Variants in PNLDC1 observed in about 807,000 individuals in gnomAD.
PNLDC1 encodes PARN like ribonuclease domain containing exonuclease 1.
A neutral mutation model predicts 82.0 loss-of-function variants in PNLDC1; 70 were observed. The ratio of observed to expected loss-of-function variants is 0.85; its 90% CI spans 0.70 to 1.04. The LOEUF (loss-of-function observed/expected upper bound fraction) is 1.04, where lower values mean the gene tolerates loss of function less well. Among genes scored for constraint, PNLDC1 ranks in the 50% least tolerant of loss-of-function variants. The probability of loss-of-function intolerance (pLI) is 0.00; values close to 1 mark genes in which losing one functional copy is unlikely to be tolerated. For synonymous variants in PNLDC1, 280 were observed against 249.3 expected, an observed-to-expected ratio of 1.12 and a Z score of -1.16; for missense variants, 631 against 661.1, an observed-to-expected ratio of 0.95 and a Z score of 0.50.
At chr6:159,800,248 C>G, upstream of PNLDC1, 1 of 783,076 alleles carries the variant, frequency 1.3e-6, no homozygotes, top group Non-Finnish European at 1.6e-6. Context: ...GACGGAAGCG[C>G]GTGGGCAGCA....
chr6:159,810,234 G>T (rs904685994), intron 10 of PNLDC1, 139 bp downstream of exon 10: 1 of 722,436 alleles, frequency 1.4e-6, no homozygotes, highest in African/African-American at 1.8e-5. Flanking sequence ...GAGAGTTTGG[G>T]CAGAGGCCTG....
intron 3 of PNLDC1, among the ~76,000 whole-genome samples, chr6:159,802,506 GTTTGTTTTTAATTATAAGACCTC>G (rs1781298084): frequency 1.3e-5 from 2 of 149,532 alleles, no homozygotes; most frequent in Admixed American, 6.6e-5. Flanking sequence ...TTGTTCGTTT[GTTTGTTTTTAATTATAAGACCTC>G]TTTGAGAAGT....
chr6:159,814,149 C>G (rs1016203056), intron 12 of PNLDC1, among the ~76,000 whole-genome samples: 1 of 152,164 alleles, frequency 6.6e-6, no homozygotes, highest in Non-Finnish European at 1.5e-5. Flanking sequence ...GCTCCTCTTT[C>G]CTCAGCCCAC....
At chr6:159,818,782 T>A in intron 16 of PNLDC1, 128 bp downstream of exon 16, 1 of 1,210,986 alleles carries the variant, frequency 8.3e-7, no homozygotes, top group Non-Finnish European at 1.2e-6. Context: ...TGGGTTTTTC[T>A]TTCCTCTCAT....
chr6:159,818,964 T>C lies in PNLDC1; in HGVS notation c.1276T>C (p.Tyr426His). Residue 426 changes from tyrosine (Y) to histidine (H), a missense_variant, in exon 17 of 19, where the codon TAT (tyrosine) becomes CAT (histidine). Coordinates refer to ENST00000392167, the MANE Select transcript of PNLDC1 (RefSeq NM_001271862.2). ...TTTCTAGAATTTTTCTGGTCCAGAT[T>C]ATCCCAGTATCCGACCTCCCATCCT... ...VPKINFSGPD[Y>H]PSIRPPILIL... 1 of 1,613,966 alleles carries C rather than the reference T, an allele frequency of 6.2e-7. No homozygotes were observed. Among genetic ancestry groups the C allele is most frequent in the Non-Finnish European group, 8.5e-7 (1 of 1,179,978 alleles).
Position 159,810,104 on chromosome 6 carries a change from A to G in PNLDC1, c.853+9A>G. On this transcript the variant is annotated intron_variant, in intron 10 of 18. Coordinates refer to ENST00000392167, the MANE Select transcript of PNLDC1 (RefSeq NM_001271862.2). Reference sequence around the variant, plus strand: ...CTTCAGACCCCTCCCAGGTAGGGGCAAACCTGTCATTTCTCTTCCTTCACG... The same window carrying G: ...CTTCAGACCCCTCCCAGGTAGGGGCGAACCTGTCATTTCTCTTCCTTCACG... 6.2e-7 allele frequency: 1 copy of G among 1,610,672 alleles called. No homozygotes were observed. Among genetic ancestry groups the G allele is most frequent in the Non-Finnish European group, 8.5e-7 (1 of 1,176,852 alleles).
chr6:159,808,006 C>T (rs745458672), intron 7 of PNLDC1, among the ~76,000 whole-genome samples: 35 of 152,094 alleles, frequency 2.3e-4, no homozygotes, highest in Non-Finnish European at 4.3e-4. Flanking sequence ...CTCCGCCTCC[C>T]GGGTTCAAGG....
chr6:159,818,895 A>G (rs1228991140), intron 16 of PNLDC1, 51 bp from the exon 17 acceptor site: 1 of 1,582,410 alleles, frequency 6.3e-7, no homozygotes, highest in East Asian at 2.2e-5. Flanking sequence ...AGACTGGATA[A>G]GAAGTCAGGA....
chr6:159,804,018 T>G lies in PNLDC1; in HGVS notation c.302T>G (p.Leu101Trp). 1.2e-6 allele frequency: 2 copies of G among 1,613,894 alleles called. No homozygotes were observed. The highest frequency in any genetic ancestry group is 1.7e-6 in the Non-Finnish European group (2 of 1,179,718). Residue 101 changes from leucine (L) to tryptophan (W), a missense_variant, in exon 5 of 19, where the codon TTG becomes TGG. Coordinates refer to ENST00000392167, the MANE Select transcript of PNLDC1 (RefSeq NM_001271862.2). ...FYLFPTTFGI[L>W]DSEFSFQASS... ...CTCTTCCCTACAACGTTTGGGATTTTGGACTCAGAATTCTCCTTCCAGGCT... is the reference window on the plus strand; with the variant it reads ...CTCTTCCCTACAACGTTTGGGATTTGGGACTCAGAATTCTCCTTCCAGGCT...
chr6:159,820,523 G>GCCCT lies in PNLDC1; in HGVS notation c.*7_*8insCCTC, dbSNP rs1310992881. On this transcript the variant is annotated 3_prime_UTR_variant, in exon 19 of 19. Transcript: ENST00000392167. ...TTGGAAGATCTGGTACCTGAGTGCA[G>GCCCT]CGAGGCCTCCTGCGGCCACCCTCGG... 1 of 1,613,960 alleles carries GCCCT rather than the reference G, an allele frequency of 6.2e-7. No individual in the cohort carries two copies. Among genetic ancestry groups the GCCCT allele is most frequent in the Non-Finnish European group, 8.5e-7 (1 of 1,180,022 alleles).
chr6:159,802,951 G>A (rs888992872), intron 3 of PNLDC1, among the ~76,000 whole-genome samples: 11 of 151,902 alleles, frequency 7.2e-5, no homozygotes, highest in Admixed American at 2.6e-4. Flanking sequence ...CATTTTAAAT[G>A]AGTTAAATAT....
At chr6:159,807,603 A>C (rs1442268633) in intron 7 of PNLDC1, among the ~76,000 whole-genome samples, 1 of 152,218 alleles carries the variant, frequency 6.6e-6, no homozygotes, top group Non-Finnish European at 1.5e-5. Flanking sequence ...AAATGTGCAA[A>C]CATTTGGGAG....
intron 13 of PNLDC1, 87 bp downstream of exon 13, chr6:159,816,120 A>ACACCCCCCCCCCCCCACCCGCCC (rs1781808316): frequency 1.4e-6 from 1 of 706,698 alleles, no homozygotes; most frequent in Non-Finnish European, 1.8e-6. Context: ...TGGTTCCCCC[A>ACACCCCCCCCCCCCCACCCGCCC]CACCCCTCCC....
intron 1 of PNLDC1, 21 bp from the exon 2 acceptor site, chr6:159,800,751 T>G (rs1781216342): frequency 6.2e-7 from 1 of 1,614,116 alleles, no homozygotes; most frequent in African/African-American, 1.3e-5. Context: ...CGAGGACTGC[T>G]ATTTTTTGCC....
intron 12 of PNLDC1, 49 bp downstream of exon 12, chr6:159,813,705 T>G: frequency 6.5e-7 from 1 of 1,541,050 alleles, no homozygotes. Context: ...CTTGGTGGCC[T>G]CCCTGTGCTC....
chr6:159,800,533 G>T, intron 1 of PNLDC1, 150 bp downstream of exon 1: 2 of 1,307,838 alleles, frequency 1.5e-6, no homozygotes, highest in East Asian at 2.5e-5. Flanking sequence ...GCCCCGGGGC[G>T]GTGGGACTTT....
intron 11 of PNLDC1, 73 bp downstream of exon 11, chr6:159,811,859 G>GT (rs373433369): frequency 6.9e-6 from 8 of 1,167,220 alleles, no homozygotes; most frequent in Non-Finnish European, 9.9e-6. Flanking sequence ...CTCTTGTGGG[G>GT]TTTTTTTCTT....
At chr6:159,816,956 C>T (rs1187286278) in intron 14 of PNLDC1, among the ~76,000 whole-genome samples, 153 bp from the exon 15 acceptor site, 1 of 152,256 alleles carries the variant, frequency 6.6e-6, no homozygotes, top group Non-Finnish European at 1.5e-5. Flanking sequence ...TGAGCCACCA[C>T]ACCCAGCTGG....
chr6:159,808,629 C>G lies in PNLDC1; in HGVS notation c.563-111C>G, dbSNP rs11966688. 4,661 of 1,011,766 alleles carry G rather than the reference C, an allele frequency of 4.6e-3. 138 individuals carry two copies. In the African/African-American group the frequency reaches 0.063, roughly 14 times the overall value. The allele number at this position is 1,011,766 out of a possible 1,614,324, so 62.7% of individuals were successfully genotyped here. On this transcript the variant is annotated intron_variant, in intron 7 of 18. Transcript: ENST00000392167. ...CATGGGCTTGGGCACCCTTCAAGCT[C>G]CCTTTCCACTTGACCTTTCCATCTC...
Sources: gnomAD v4.1 joint callset for allele counts (sites outside exome capture counted in the v4.1 genomes callset) on GRCh38, gnomAD v4.1.1 for gene constraint, MANE v1.5 for transcripts, NCBI Gene and HGNC (gene_info 2026-07-23, HGNC 2026-07-21) for gene names.